RSPO3: variants seen among roughly 807,000 people sequenced by gnomAD.
RSPO3 encodes R-spondin 3.
In RSPO3, 17 loss-of-function variants were observed where a neutral mutation model predicts 36.5. The ratio of observed to expected loss-of-function variants is 0.47; its 90% CI spans 0.32 to 0.70. The LOEUF is 0.70. Ranked by LOEUF, RSPO3 falls within the 30% of genes least tolerant of loss-of-function variation. The pLI is 0.04. For synonymous variants in RSPO3, 108 were observed against 107.0 expected (o/e 1.01, Z -0.06); for missense variants, 294 against 322.5 (o/e 0.91, Z 0.68).
chr6:127,169,226 G>GT (rs1774887815), intron 4 of RSPO3, among the ~76,000 whole-genome samples: 1 of 151,166 alleles, frequency 6.6e-6, no homozygotes. Flanking sequence ...TTTCTGTTTG[G>GT]TTTTTTGTTT....
chr6:127,185,854 A>G (rs1775284429), intron 4 of RSPO3, among the ~76,000 whole-genome samples: 1 of 152,146 alleles, frequency 6.6e-6, no homozygotes. Context: ...CATGTCAGCA[A>G]GTATGAGGCC....
rs6909771 is a variant in RSPO3, at chr6:127,197,235, T to C, written c.*1228T>C. 9.2e-6 allele frequency: 6 copies of C among 653,062 alleles called. No individual in the cohort carries two copies. Among genetic ancestry groups the C allele is most frequent in the Admixed American group, 3.1e-5 (1 of 32,420 alleles). The allele number at this position is 653,062 out of a possible 1,614,324, so 40.5% of individuals were successfully genotyped here. On this transcript the variant is annotated 3_prime_UTR_variant, in exon 5 of 5. Coordinates refer to ENST00000356698, the MANE Select transcript of RSPO3 (RefSeq NM_032784.5). Reference sequence around the variant, plus strand: ...CAATGGAGATTTACTTATAGCGTATTAGGAGATATTTATTCCATTTTCTTA... The same window carrying C: ...CAATGGAGATTTACTTATAGCGTATCAGGAGATATTTATTCCATTTTCTTA...
intron 1 of RSPO3, among the ~76,000 whole-genome samples, chr6:127,142,706 G>A (rs1774298669): frequency 6.6e-6 from 1 of 152,070 alleles, no homozygotes; most frequent in Non-Finnish European, 1.5e-5. Context: ...GATATTCATA[G>A]GCATAGCCCA....
At chr6:127,192,825 C>T (rs535432577) in intron 4 of RSPO3, 5 of 451,388 alleles carry the variant, frequency 1.1e-5, no homozygotes, top group Non-Finnish European at 1.5e-5. Context: ...AACTGGAATG[C>T]TTAGTTTGCA....
intron 3 of RSPO3, among the ~76,000 whole-genome samples, chr6:127,151,632 T>C (rs1327035091): frequency 1.3e-5 from 2 of 152,066 alleles, no homozygotes; most frequent in African/African-American, 2.4e-5. Context: ...AAGTGTACCG[T>C]AGCACTTTTA....
At chr6:127,179,324 T>C (rs1019761188) in intron 4 of RSPO3, among the ~76,000 whole-genome samples, 1 of 152,004 alleles carries the variant, frequency 6.6e-6, no homozygotes, top group Middle Eastern at 3.4e-3. Context: ...ATGTGGTTTC[T>C]TTCTGATGCT....
At chr6:127,189,154 A>T (rs1405859760) in intron 4 of RSPO3, among the ~76,000 whole-genome samples, 4 of 152,112 alleles carry the variant, frequency 2.6e-5, no homozygotes, top group African/African-American at 9.7e-5. Context: ...ATTTTTAAAA[A>T]CAAACTATCC....
In RSPO3 at chr6:127,150,433, A is replaced by C; in HGVS notation, c.297A>C (p.Lys99Asn). 1 of 1,611,160 alleles carries C rather than the reference A, an allele frequency of 6.2e-7. No homozygotes were observed. The highest frequency in any genetic ancestry group is 2.2e-5 in the East Asian group (1 of 44,800). The change falls in exon 3 of 5, where the codon AAA becomes AAC. Residue 99 changes from lysine to asparagine, a missense_variant. Transcript: ENST00000356698. The stretch of plus-strand genomic sequence containing the variant: ...TTCTTTTTTCTCTTTCAGAATGCAA[A>C]GCTGACTGTGATACCTGTTTCAACA... ...YPDINKCTKC[K>N]ADCDTCFNKN... is the part of the protein sequence containing the mutation.
rs1310873227 is a variant in RSPO3 at position 127,197,315 on chromosome 6, C to T, written c.*1308C>T. 3.6e-6 allele frequency: 5 copies of T among 1,389,672 alleles called. No homozygotes were observed. The highest frequency in any genetic ancestry group is 4.8e-6 in the Non-Finnish European group (5 of 1,032,688). 86.1% of individuals were successfully genotyped at this position (1,389,672 alleles called of 1,614,324 possible). A position where few individuals can be genotyped will look rare whatever the true frequency, so the allele number is the denominator to read the frequency against. On this transcript the variant is annotated 3_prime_UTR_variant, in exon 5 of 5. Coordinates refer to ENST00000356698, the MANE Select transcript of RSPO3 (RefSeq NM_032784.5). ...TGGGCCTCCCTAGCTGATTTCACTG[C>T]TCCCCCTTCATTGCTTAGAAATGGG...
chr6:127,172,725 A>C (rs753026119), intron 4 of RSPO3, among the ~76,000 whole-genome samples: 7 of 151,928 alleles, frequency 4.6e-5, no homozygotes, highest in South Asian at 2.1e-4. Context: ...ATTTTACATA[A>C]TTATCTCATT....
At chr6:127,126,072 G>C (rs909162806) in intron 1 of RSPO3, among the ~76,000 whole-genome samples, 1 of 152,036 alleles carries the variant, frequency 6.6e-6, no homozygotes, top group Admixed American at 6.6e-5. Context: ...CCCATATTTG[G>C]CAATAAACTT....
rs559367522 is a variant in RSPO3, at chr6:127,135,236, A to G, written c.98-13412A>G. On this transcript the variant is annotated intron_variant, in intron 1 of 4. Coordinates refer to ENST00000356698, the MANE Select transcript of RSPO3 (RefSeq NM_032784.5). ...AGAGATCGAGACCATCATAGCCAAC[A>G]TGGTGAAACCCCGTCTCTACTAAAA... Among the ~76,000 whole-genome samples the G allele has an allele frequency of 4.6e-5, 7 of 152,204 alleles. No individual in the cohort carries two copies. The East Asian group carries it at 5.8e-4, about 13-fold the overall frequency.
At chr6:127,185,914 G>T (rs73577834) in intron 4 of RSPO3, among the ~76,000 whole-genome samples, 144 of 152,254 alleles carry the variant, frequency 9.5e-4, no homozygotes, top group Middle Eastern at 3.4e-3. Flanking sequence ...AAGGGAATGA[G>T]TATAGCAGTG....
intron 4 of RSPO3, among the ~76,000 whole-genome samples, chr6:127,173,450 T>C (rs1014409278): frequency 1.3e-5 from 2 of 151,886 alleles, no homozygotes; most frequent in African/African-American, 4.8e-5. Context: ...TAAATCCTAA[T>C]AAAGAATCTC....
At chr6:127,120,817 T>C (rs1324936158) in intron 1 of RSPO3, among the ~76,000 whole-genome samples, 1 of 152,220 alleles carries the variant, frequency 6.6e-6, no homozygotes, top group Non-Finnish European at 1.5e-5. Context: ...ACTAAATATG[T>C]CAGGGCATCC....
At chr6:127,139,183 AT>A (rs1426487032) in intron 1 of RSPO3, among the ~76,000 whole-genome samples, 1 of 152,134 alleles carries the variant, frequency 6.6e-6, no homozygotes. Flanking sequence ...AAAATCACTT[AT>A]TTTCCTTGCT....
chr6:127,150,000 A>G (rs1179350902), intron 2 of RSPO3, among the ~76,000 whole-genome samples: 1 of 152,008 alleles, frequency 6.6e-6, no homozygotes, highest in African/African-American at 2.4e-5. Context: ...AATATAAAAA[A>G]CAATGCCTGG....
intron 4 of RSPO3, among the ~76,000 whole-genome samples, chr6:127,163,920 T>C (rs555316398): frequency 6.6e-6 from 1 of 152,096 alleles, no homozygotes; most frequent in African/African-American, 2.4e-5. Flanking sequence ...TATCACAATA[T>C]CACTGCATCG....
chr6:127,178,003 T>C (rs990956035), intron 4 of RSPO3, among the ~76,000 whole-genome samples: 21 of 151,644 alleles, frequency 1.4e-4, no homozygotes, highest in Admixed American at 9.2e-4. Context: ...GAAATAGAAA[T>C]GAGCATGAAA....
Sources: allele counts gnomAD v4.1 joint callset (sites outside exome capture counted in the v4.1 genomes callset), GRCh38; gene constraint gnomAD v4.1.1; transcripts MANE v1.5; gene names NCBI Gene and HGNC (gene_info 2026-07-23, HGNC 2026-07-21).